The following B4GALNT3 variants were observed in gnomAD, a reference collection of about 807,000 sequenced individuals.
The protein encoded by B4GALNT3 is beta-1,4-N-acetyl-galactosaminyltransferase 3.
B4GALNT3 carries 86 observed loss-of-function variants against 120.2 expected under a neutral mutation model. The ratio of observed to expected loss-of-function variants is 0.72; its 90% CI spans 0.60 to 0.86. The LOEUF is 0.86. B4GALNT3 is among the 40% of genes least tolerant of loss of function. B4GALNT3 has a pLI of 0.00. For missense variants in B4GALNT3, 1,167 were observed against 1,298.9 expected (o/e 0.90, Z 1.56); for synonymous variants, 518 against 510.4 (o/e 1.01, Z -0.20).
chr12:481,806 G>T (rs1348816560), intron 1 of B4GALNT3, among the ~76,000 whole-genome samples: 2 of 152,172 alleles, frequency 1.3e-5, no homozygotes, highest in Non-Finnish European at 2.9e-5. Context: ...CTCAGCCTCA[G>T]CTGTGGGGAA....
At position 542,479 on chromosome 12, in the gene B4GALNT3, C is replaced by T. The variant is rs142958729; in HGVS notation, c.352-1860C>T. On this transcript the variant is annotated intron_variant, in intron 3 of 19. Coordinates refer to ENST00000266383, the MANE Select transcript of B4GALNT3 (RefSeq NM_173593.4). ...AGATTTTGCTATCTCGTGGGCATGG[C>T]GGGGAGGCCAGGGCAGGCTGCTGGT... is the stretch of plus-strand genomic sequence containing the variant. Among the ~76,000 whole-genome samples the T allele has an allele frequency of 2.9e-3, 437 of 152,286 alleles. 2 individuals are homozygous for T. Among genetic ancestry groups the T allele is most frequent in the African/African-American group, 9.8e-3 (406 of 41,554 alleles).
intron 3 of B4GALNT3, among the ~76,000 whole-genome samples, chr12:540,300 T>G (rs1946901431): frequency 2.0e-5 from 3 of 152,154 alleles, no homozygotes; most frequent in Non-Finnish European, 4.4e-5. Flanking sequence ...TCTTTCATCT[T>G]TAAGGGGTAC....
At position 463,924 on chromosome 12, in the gene B4GALNT3, G is replaced by A. The variant is rs577800456; in HGVS notation, c.169+3379G>A. Reference sequence around the variant, plus strand: ...CTTAAAGAGTGGCATTTATTCAGTAGCTAGCAGAAAGCAGTTGAAAGTTTT... The same window carrying A: ...CTTAAAGAGTGGCATTTATTCAGTAACTAGCAGAAAGCAGTTGAAAGTTTT... On this transcript the variant is annotated intron_variant, in intron 1 of 19. Coordinates refer to ENST00000266383, the MANE Select transcript of B4GALNT3 (RefSeq NM_173593.4). Among the ~76,000 whole-genome samples the A allele has an allele frequency of 8.5e-5, 13 of 152,382 alleles. No individual in the cohort carries two copies. In the South Asian group the frequency reaches 1.9e-3, roughly 22 times the overall value.
intron 1 of B4GALNT3, among the ~76,000 whole-genome samples, chr12:468,349 G>T (rs929116196): frequency 1.3e-5 from 2 of 152,156 alleles, no homozygotes; most frequent in African/African-American, 4.8e-5. Context: ...GTATTGCCCT[G>T]ACCTTTTTGG....
At chr12:520,777 C>T (rs373507659) in intron 1 of B4GALNT3, among the ~76,000 whole-genome samples, 18 of 152,318 alleles carry the variant, frequency 1.2e-4, no homozygotes, top group East Asian at 3.9e-4. Flanking sequence ...GGTGACAGAG[C>T]GAGACTCCGT....
intron 1 of B4GALNT3, among the ~76,000 whole-genome samples, chr12:481,342 G>A (rs1018823466): frequency 1.3e-5 from 2 of 152,240 alleles, no homozygotes; most frequent in Non-Finnish European, 2.9e-5. Flanking sequence ...CAAGCTCTCA[G>A]TGAAGGGTTG....
At chr12:558,452 T>A in intron 17 of B4GALNT3, 56 bp from the exon 18 acceptor site, 1 of 1,544,876 alleles carries the variant, frequency 6.5e-7, no homozygotes, top group South Asian at 1.1e-5. Flanking sequence ...GACGGCGACC[T>A]GACCTCCTAG....
intron 1 of B4GALNT3, among the ~76,000 whole-genome samples, chr12:481,604 C>T (rs1004560603): frequency 6.6e-6 from 1 of 152,236 alleles, no homozygotes; most frequent in South Asian, 2.1e-4. Flanking sequence ...CACCGCAGGG[C>T]CCCTGTCTGC....
chr12:552,548 G>A lies in B4GALNT3; in HGVS notation c.1270+20G>A. On this transcript the variant is annotated intron_variant, in intron 13 of 19. Coordinates refer to ENST00000266383, the MANE Select transcript of B4GALNT3 (RefSeq NM_173593.4). ...AGCCAGGTACAGAGTGACAGCTGAG[G>A]CTTCCAGGTCAGGCTGAGAGGGGCG... The A allele has an allele frequency of 1.2e-6, 2 of 1,611,984 alleles. No individual in the cohort carries two copies. The highest frequency in any genetic ancestry group is 1.3e-5 in the African/African-American group (1 of 75,024).
At chr12:483,595 G>A (rs1324420909) in intron 1 of B4GALNT3, among the ~76,000 whole-genome samples, 2 of 152,192 alleles carry the variant, frequency 1.3e-5, no homozygotes, top group African/African-American at 4.8e-5. Flanking sequence ...CTACTCAGGA[G>A]GCTGAGGTAG....
intron 1 of B4GALNT3, among the ~76,000 whole-genome samples, chr12:486,324 C>T (rs1239628341): frequency 6.6e-6 from 1 of 151,348 alleles, no homozygotes; most frequent in Admixed American, 6.6e-5. Context: ...ATTCTCCCAC[C>T]TCAGCCTCCT....
chr12:536,171 T>C (rs1330075403), intron 2 of B4GALNT3, 47 bp from the exon 3 acceptor site: 10 of 1,537,338 alleles, frequency 6.5e-6, no homozygotes, highest in Non-Finnish European at 9.0e-6. Context: ...GCCCGTAGCT[T>C]CTCATCCTAA....
Position 552,525 on chromosome 12 carries a change from C to A in B4GALNT3, c.1267C>A (p.Pro423Thr), listed in dbSNP as rs765292156. 3.1e-6 allele frequency: 5 copies of A among 1,613,566 alleles called. No individual in the cohort carries two copies. Among genetic ancestry groups the A allele is most frequent in the Middle Eastern group, 1.7e-4 (1 of 6,056 alleles). Residue 423 changes from proline to threonine, a missense_variant, in exon 13 of 20, where the codon CCA becomes ACA. By Grantham distance (38) the Pro-to-Thr change is conservative. Transcript: ENST00000266383. The part of the protein sequence containing the change: ...DQPEKQGLEQ[P>T]GFEENLLEES... ...GCCTGAGAAGCAGGGGCTGGAGCAG[C>A]CAGGTACAGAGTGACAGCTGAGGCT...
chr12:540,739 C>CT (rs775110232), intron 3 of B4GALNT3, among the ~76,000 whole-genome samples: 1 of 151,840 alleles, frequency 6.6e-6, no homozygotes, highest in Admixed American at 6.6e-5. Context: ...TTTTTTTCTT[C>CT]TTTTTTTCTT....
chr12:509,512 TA>T (rs1279491781), intron 1 of B4GALNT3, among the ~76,000 whole-genome samples: 2 of 152,216 alleles, frequency 1.3e-5, no homozygotes, highest in Middle Eastern at 3.2e-3. Flanking sequence ...AGGGTGTCTT[TA>T]CTCTCCCCAG....
intron 1 of B4GALNT3, among the ~76,000 whole-genome samples, chr12:514,361 C>A (rs375138869): frequency 1.1e-4 from 16 of 152,212 alleles, no homozygotes; most frequent in African/African-American, 3.9e-4. Context: ...CCACGCCTGG[C>A]TAATTTTTTG....
rs1186793675 is a variant in B4GALNT3 at position 557,781 on chromosome 12, A to AC, written c.2534+20_2534+21insC. 1 of 1,591,382 alleles carries AC rather than the reference A, an allele frequency of 6.3e-7. No homozygotes were observed. The highest frequency in any genetic ancestry group is 1.1e-5 in the South Asian group (1 of 88,124). On this transcript the variant is annotated intron_variant, in intron 16 of 19. Transcript: ENST00000266383. ...GCGGAGGTGAGGGGGACCACCAGCC[A>AC]GGGGGTGGCATGGGCCACGTCCATC...
intron 1 of B4GALNT3, among the ~76,000 whole-genome samples, chr12:498,249 C>A (rs1196815896): frequency 6.6e-6 from 1 of 152,104 alleles, no homozygotes; most frequent in Non-Finnish European, 1.5e-5. Context: ...ACTGGCTCTT[C>A]CTGCCGCTGA....
intron 1 of B4GALNT3, among the ~76,000 whole-genome samples, chr12:461,877 A>G (rs1167042615): frequency 6.6e-6 from 1 of 152,186 alleles, no homozygotes; most frequent in Non-Finnish European, 1.5e-5. Context: ...GAATCAAGGG[A>G]AAAACGACAG....
Sources: gnomAD v4.1 joint callset for allele counts (sites outside exome capture counted in the v4.1 genomes callset) on GRCh38, gnomAD v4.1.1 for gene constraint, MANE v1.5 for transcripts, NCBI Gene and HGNC (gene_info 2026-07-23, HGNC 2026-07-21) for gene names.